Variants in SASS6 observed in about 807,000 individuals in gnomAD.
The protein encoded by SASS6 is SAS-6 centriolar assembly protein, also known as spindle assembly abnormal protein 6 homolog.
In SASS6, 59 loss-of-function variants were observed where a neutral mutation model predicts 94.9. The ratio of observed to expected loss-of-function variants is 0.62; its 90% CI spans 0.50 to 0.77. The LOEUF (loss-of-function observed/expected upper bound fraction) is 0.77, where lower values mean the gene tolerates loss of function less well. Ranked by LOEUF, SASS6 falls within the 30% of genes least tolerant of loss-of-function variation. The probability of loss-of-function intolerance (pLI) is 0.00; values close to 1 mark genes in which losing one functional copy is unlikely to be tolerated. For synonymous variants in SASS6, 264 were observed against 270.0 expected, an observed-to-expected ratio of 0.98 and a Z score of 0.22; for missense variants, 698 against 734.1, an observed-to-expected ratio of 0.95 and a Z score of 0.57.
At chr1:100,096,060 T>C (rs1652080814) in intron 14 of SASS6, among the ~76,000 whole-genome samples, 1 of 152,176 alleles carries the variant, frequency 6.6e-6, no homozygotes, top group African/African-American at 2.4e-5. Context: ...AGGTGACCAT[T>C]TTCATGAAAC....
At chr1:100,103,176 T>A in intron 13 of SASS6, 93 bp from the exon 14 acceptor site, 2 of 753,276 alleles carry the variant, frequency 2.7e-6, no homozygotes, top group Non-Finnish European at 4.2e-6. Context: ...TTATAATAAC[T>A]AATAATTAAG....
intron 14 of SASS6, among the ~76,000 whole-genome samples, chr1:100,091,109 A>G (rs1049069156): frequency 6.6e-6 from 1 of 152,124 alleles, no homozygotes; most frequent in Non-Finnish European, 1.5e-5. Context: ...GTTTGAGACC[A>G]GCCTGACCAA....
chr1:100,087,023 G>T (rs547163499), intron 15 of SASS6, among the ~76,000 whole-genome samples: 1 of 151,166 alleles, frequency 6.6e-6, no homozygotes, highest in Admixed American at 6.6e-5. Context: ...TGCTCTTATC[G>T]CCCAGGCTGG....
At chr1:100,119,993 G>T (rs963402489) in intron 6 of SASS6, among the ~76,000 whole-genome samples, 22 of 152,208 alleles carry the variant, frequency 1.4e-4, no homozygotes, top group African/African-American at 5.1e-4. Context: ...TGACTGAAAT[G>T]ATGCTAAGCC....
intron 7 of SASS6, among the ~76,000 whole-genome samples, chr1:100,111,475 C>T (rs761294563): frequency 6.6e-6 from 1 of 151,926 alleles, no homozygotes; most frequent in African/African-American, 2.4e-5. Flanking sequence ...ATTTAGTTCC[C>T]AATTTTTCAC....
chr1:100,111,817 T>C (rs1364562274), intron 7 of SASS6, among the ~76,000 whole-genome samples: 1 of 152,054 alleles, frequency 6.6e-6, no homozygotes, highest in Non-Finnish European at 1.5e-5. Context: ...GAAGAAAACA[T>C]TGAAGAAGCA....
At chr1:100,117,414 A>G (rs2101679249) in intron 7 of SASS6, among the ~76,000 whole-genome samples, 1 of 152,258 alleles carries the variant, frequency 6.6e-6, no homozygotes, top group South Asian at 2.1e-4. Context: ...GCACTTTGGG[A>G]GGCCAAGGTG....
intron 14 of SASS6, among the ~76,000 whole-genome samples, chr1:100,099,024 C>T (rs1012159412): frequency 1.3e-5 from 2 of 152,148 alleles, no homozygotes; most frequent in Non-Finnish European, 2.9e-5. Context: ...AGTACATCCT[C>T]TTGTACCTTT....
chr1:100,099,366 T>C (rs1216476135), intron 14 of SASS6: 1 of 153,772 alleles, frequency 6.5e-6, no homozygotes. Context: ...AACGTTCCTG[T>C]AGAAACTCAA....
intron 11 of SASS6, 91 bp downstream of exon 11, chr1:100,107,283 G>C (rs1454914084): frequency 2.6e-6 from 2 of 760,798 alleles, no homozygotes; most frequent in African/African-American, 3.6e-5. Context: ...AAAAAAACAA[G>C]ACCAAAGCCA....
chr1:100,102,968 C>A lies in SASS6; in HGVS notation c.1661G>T (p.Gly554Val), dbSNP rs758241774. 5.6e-6 allele frequency: 9 copies of A among 1,611,802 alleles called. No homozygotes were observed. The highest frequency in any genetic ancestry group is 7.6e-6 in the Non-Finnish European group (9 of 1,178,896). ...TAATTTGGCTACCTTTGTTCCTGAA[C>A]CAGGGTGGCTGGTATTTTTGGCAGA... ...SISAKNTSHPGSGTKVQFNLQ... is the reference protein window; with the variant it reads ...SISAKNTSHPVSGTKVQFNLQ... The change falls in exon 14 of 17, where the codon GGT becomes GTT. Residue 554 changes from glycine to valine, a missense_variant. Coordinates refer to ENST00000287482, the MANE Select transcript of SASS6 (RefSeq NM_194292.3).
chr1:100,100,744 C>T (rs1003685484), intron 14 of SASS6, among the ~76,000 whole-genome samples: 4 of 152,100 alleles, frequency 2.6e-5, no homozygotes, highest in South Asian at 2.1e-4. Flanking sequence ...AAAATAAAAG[C>T]GTCATTTTTA....
chr1:100,121,389 T>G lies in SASS6; in HGVS notation c.472A>C (p.Lys158Gln), dbSNP rs759304987. ...EIKKFLAGCLKCSKEEKLSLM... is the reference protein window; with the variant it reads ...EIKKFLAGCLQCSKEEKLSLM... Reference sequence around the variant, plus strand: ...AATTTAAATCTTACCTTGCTACATTTCAAACAGCCTGCGAGAAATTTCTTT... The same window carrying G: ...AATTTAAATCTTACCTTGCTACATTGCAAACAGCCTGCGAGAAATTTCTTT... The change falls in exon 5 of 17, where the codon AAA (lysine) becomes CAA (glutamine). Residue 158 changes from lysine (K) to glutamine (Q), a missense_variant. Lys to Gln is a moderately conservative substitution (Grantham distance 53). Coordinates refer to ENST00000287482, the MANE Select transcript of SASS6 (RefSeq NM_194292.3). 8.9e-6 allele frequency: 14 copies of G among 1,571,794 alleles called. No individual in the cohort carries two copies. The highest frequency in any genetic ancestry group is 1.2e-5 in the Non-Finnish European group (14 of 1,164,496).
At chr1:100,108,249 G>A (rs1315638529) in intron 8 of SASS6, among the ~76,000 whole-genome samples, 1 of 151,818 alleles carries the variant, frequency 6.6e-6, no homozygotes, top group Non-Finnish European at 1.5e-5. Flanking sequence ...TCTAATTTAT[G>A]AATAAATTAC....
intron 1 of SASS6, among the ~76,000 whole-genome samples, chr1:100,132,491 C>T (rs1430593348): frequency 6.6e-6 from 1 of 152,092 alleles, no homozygotes; most frequent in African/African-American, 2.4e-5. Flanking sequence ...TTCACGATTC[C>T]GTGCACAGGT....
intron 7 of SASS6, among the ~76,000 whole-genome samples, chr1:100,117,852 G>C (rs1653911498): frequency 8.1e-6 from 1 of 123,052 alleles, no homozygotes; most frequent in African/African-American, 3.2e-5. Flanking sequence ...GCAGGGCACA[G>C]TGAAAAAAAA....
chr1:100,107,557 T>TA lies in SASS6; in HGVS notation c.1147-5dup. ...ACTTCTTGATAATTTCATTTGCCTA[T>TA]AAAAGAGCTTCATATGTATATTTCT... is the stretch of plus-strand genomic sequence containing the variant. On this transcript the variant is annotated splice_region_variant and splice_polypyrimidine_tract_variant and intron_variant, in intron 10 of 16. Coordinates refer to ENST00000287482, the MANE Select transcript of SASS6 (RefSeq NM_194292.3). 6.3e-7 allele frequency: 1 copy of TA among 1,588,228 alleles called. No individual in the cohort carries two copies. The highest frequency in any genetic ancestry group is 8.6e-7 in the Non-Finnish European group (1 of 1,163,966).
Position 100,110,409 on chromosome 1 carries a change from G to C in SASS6, c.744C>G (p.His248Gln), listed in dbSNP as rs746729529. 7 of 1,610,858 alleles carry C rather than the reference G, an allele frequency of 4.3e-6. No homozygotes were observed. The highest frequency in any genetic ancestry group is 5.9e-6 in the Non-Finnish European group (7 of 1,177,576). The change falls in exon 8 of 17, where the codon CAC (histidine) becomes CAG (glutamine). Residue 248 changes from histidine to glutamine, a missense_variant. Physicochemically the swap from His to Gln is conservative, Grantham distance 24 (BLOSUM62 0). Transcript: ENST00000287482. ...ACTCAGACAGTCTGTTTTGTAGCTG[G>C]TGGATGTTTTGTTGATGGAGGATTT... Reference protein sequence around the residue: ...DLEILHQQNIHQLQNRLSELE... With the variant: ...DLEILHQQNIQQLQNRLSELE...
intron 14 of SASS6, among the ~76,000 whole-genome samples, chr1:100,100,879 C>CA (rs1652428088): frequency 6.6e-6 from 1 of 152,140 alleles, no homozygotes; most frequent in Admixed American, 6.5e-5. Context: ...TCGGGGAGGA[C>CA]AAAGTAGGCA....
Sources: gnomAD v4.1 joint callset for allele counts (sites outside exome capture counted in the v4.1 genomes callset) on GRCh38, gnomAD v4.1.1 for gene constraint, MANE v1.5 for transcripts, NCBI Gene and HGNC (gene_info 2026-07-23, HGNC 2026-07-21) for gene names.